Variants in MYRFL observed in about 807,000 individuals in gnomAD.
MYRFL encodes myelin regulatory factor like, also known as myelin regulatory factor-like protein.
Under a neutral mutation model 109.4 loss-of-function variants are expected in MYRFL, and 88 were observed. The ratio of observed to expected loss-of-function variants is 0.80; its 90% CI spans 0.68 to 0.96. The LOEUF is 0.96. MYRFL is among the 40% of genes least tolerant of loss of function. The probability of loss-of-function intolerance (pLI) is 0.00; values close to 1 mark genes in which losing one functional copy is unlikely to be tolerated. For missense variants in MYRFL, 957 were observed against 954.9 expected, an observed-to-expected ratio of 1.00 and a Z score of -0.03; for synonymous variants, 324 against 320.9, an observed-to-expected ratio of 1.01 and a Z score of -0.10.
intron 15 of MYRFL, among the ~76,000 whole-genome samples, chr12:69,930,489 A>C (rs2120461511): frequency 6.6e-6 from 1 of 152,194 alleles, no homozygotes; most frequent in African/African-American, 2.4e-5. Flanking sequence ...TCAAATAAGA[A>C]TTCACTGACT....
Position 69,952,292 on chromosome 12 carries a change from C to T in MYRFL, c.2287+117C>T, listed in dbSNP as rs1054438471. 9.6e-5 allele frequency: 83 copies of T among 868,860 alleles called. No individual in the cohort carries two copies. In the East Asian group the frequency reaches 1.5e-3, roughly 16 times the overall value. 53.8% of individuals were successfully genotyped at this position (868,860 alleles called of 1,614,324 possible). On this transcript the variant is annotated intron_variant, in intron 20 of 24. Transcript: ENST00000552032. ...GACAAAGGCTGCAGCCTGCCTGCCACGCATATCCATGGGACTGTGTGTTAT... is the reference window on the plus strand; with the variant it reads ...GACAAAGGCTGCAGCCTGCCTGCCATGCATATCCATGGGACTGTGTGTTAT...
chr12:69,938,869 T>C (rs1592871782), intron 19 of MYRFL, among the ~76,000 whole-genome samples: 1 of 152,100 alleles, frequency 6.6e-6, no homozygotes, highest in African/African-American at 2.4e-5. Context: ...GGCGAGGCAT[T>C]GCCTCACCCG....
At chr12:69,921,221 T>C (rs1353506527) in intron 13 of MYRFL, among the ~76,000 whole-genome samples, 1 of 152,178 alleles carries the variant, frequency 6.6e-6, no homozygotes, top group African/African-American at 2.4e-5. Flanking sequence ...ACATTTTTTT[T>C]TGTAGAGCTG....
At chr12:69,938,781 C>T (rs1256941501) in intron 19 of MYRFL, among the ~76,000 whole-genome samples, 1 of 152,096 alleles carries the variant, frequency 6.6e-6, no homozygotes, top group Non-Finnish European at 1.5e-5. Flanking sequence ...CTCTGAGGTA[C>T]CGGGTTCATC....
At chr12:69,863,398 T>C (rs1490078570) in intron 2 of MYRFL, among the ~76,000 whole-genome samples, 1 of 152,188 alleles carries the variant, frequency 6.6e-6, no homozygotes, top group Non-Finnish European at 1.5e-5. Flanking sequence ...TTTTGGTTGG[T>C]AAGCTATTGA....
At chr12:69,900,691 T>A (rs1303899488) in intron 10 of MYRFL, among the ~76,000 whole-genome samples, 1 of 152,250 alleles carries the variant, frequency 6.6e-6, no homozygotes, top group Non-Finnish European at 1.5e-5. Context: ...TATTAGTTCA[T>A]TGGCTGCTGC....
chr12:69,895,931 T>G (rs1953978896), intron 9 of MYRFL, among the ~76,000 whole-genome samples: 1 of 152,206 alleles, frequency 6.6e-6, no homozygotes, highest in Non-Finnish European at 1.5e-5. Context: ...CTAGCAGAGA[T>G]GGAAACTCAT....
At chr12:69,951,552 C>T (rs891096625) in intron 19 of MYRFL, among the ~76,000 whole-genome samples, 1 of 151,902 alleles carries the variant, frequency 6.6e-6, no homozygotes, top group East Asian at 1.9e-4. Context: ...CTCAGCCTCC[C>T]GAGTAGCTGG....
chr12:69,926,943 T>G (rs1292439822), intron 14 of MYRFL, among the ~76,000 whole-genome samples: 2 of 135,232 alleles, frequency 1.5e-5, no homozygotes, highest in East Asian at 2.1e-4. Flanking sequence ...GTTTTTTTTT[T>G]TTTTTTTTTT....
At chr12:69,863,551 T>G (rs1432569854) in intron 2 of MYRFL, among the ~76,000 whole-genome samples, 1 of 152,230 alleles carries the variant, frequency 6.6e-6, no homozygotes, top group Non-Finnish European at 1.5e-5. Flanking sequence ...AGTAGAAACC[T>G]TATAGCCATA....
At chr12:69,905,694 T>C (rs144329423) in intron 11 of MYRFL, among the ~76,000 whole-genome samples, 2 of 152,330 alleles carry the variant, frequency 1.3e-5, no homozygotes, top group East Asian at 3.9e-4. Context: ...AAAGAGAAAT[T>C]ATTTTCTATT....
chr12:69,926,405 G>T (rs1255310074), intron 13 of MYRFL, among the ~76,000 whole-genome samples, 166 bp from the exon 14 acceptor site: 3 of 152,116 alleles, frequency 2.0e-5, no homozygotes, highest in African/African-American at 7.2e-5. Context: ...GCAAGACTGT[G>T]TTCAGTTTCA....
At chr12:69,908,342 A>T (rs917773818) in intron 11 of MYRFL, among the ~76,000 whole-genome samples, 2 of 152,216 alleles carry the variant, frequency 1.3e-5, no homozygotes, top group Non-Finnish European at 2.9e-5. Flanking sequence ...ATGAAGGAGA[A>T]CTGGTGCTAT....
At chr12:69,833,608 T>A (rs1882764776) in intron 1 of MYRFL, among the ~76,000 whole-genome samples, 2 of 152,296 alleles carry the variant, frequency 1.3e-5, no homozygotes, top group Middle Eastern at 3.4e-3. Context: ...TTGTCAGTAT[T>A]TTAGAGAGGA....
rs1484035907 is a variant in MYRFL at position 69,910,070 on chromosome 12, T to A, written c.1485T>A (p.His495Gln). 1 of 1,519,696 alleles carries A rather than the reference T, an allele frequency of 6.6e-7. No homozygotes were observed. Among genetic ancestry groups the A allele is most frequent in the Non-Finnish European group, 8.8e-7 (1 of 1,140,174 alleles). 94.1% of individuals were successfully genotyped at this position (1,519,696 alleles called of 1,614,324 possible). ...CTGCAATGGGAATAAACACTGCCCA[T>A]CAAACAGGTACACACACAAATTCCC... ...FASAMGINTAHQTGMIAQEVQ... is the reference protein window; with the variant it reads ...FASAMGINTAQQTGMIAQEVQ... Residue 495 changes from histidine to glutamine, a missense_variant, in exon 12 of 25, where the codon CAT becomes CAA. His to Gln is a conservative substitution (Grantham distance 24, BLOSUM62 0). Transcript: ENST00000552032.
At chr12:69,934,977 G>A (rs978599645) in intron 16 of MYRFL, among the ~76,000 whole-genome samples, 2 of 152,106 alleles carry the variant, frequency 1.3e-5, no homozygotes, top group African/African-American at 4.8e-5. Context: ...TTTCACTGGG[G>A]ACCCAACCCT....
chr12:69,884,112 T>G (rs1178962061), intron 5 of MYRFL, among the ~76,000 whole-genome samples: 1 of 152,212 alleles, frequency 6.6e-6, no homozygotes, highest in African/African-American at 2.4e-5. Flanking sequence ...ACTTATGATC[T>G]GTGTACTCTT....
chr12:69,831,131 T>A (rs1882605695), intron 1 of MYRFL, among the ~76,000 whole-genome samples: 1 of 152,186 alleles, frequency 6.6e-6, no homozygotes, highest in Non-Finnish European at 1.5e-5. Flanking sequence ...TTATATAATT[T>A]GTACTTTTTA....
intron 2 of MYRFL, among the ~76,000 whole-genome samples, chr12:69,868,918 A>G (rs1035070230): frequency 1.3e-5 from 2 of 151,106 alleles, no homozygotes; most frequent in African/African-American, 4.9e-5. Flanking sequence ...GCACACACAC[A>G]TGTACTCACA....
Sources: allele counts gnomAD v4.1 joint callset (sites outside exome capture counted in the v4.1 genomes callset), GRCh38; gene constraint gnomAD v4.1.1; transcripts MANE v1.5; gene names NCBI Gene and HGNC (gene_info 2026-07-23, HGNC 2026-07-21).